Variants in TRPC5 observed in about 807,000 individuals in gnomAD.
The protein encoded by TRPC5 is short transient receptor potential channel 5.
In TRPC5, 9 loss-of-function variants were observed where a neutral mutation model predicts 56.5. The observed-to-expected ratio is 0.16, with a 90% CI of 0.10 to 0.28. The LOEUF (loss-of-function observed/expected upper bound fraction) is 0.28. TRPC5 is among the 10% of genes least tolerant of loss of function. The pLI is 1.00. For synonymous variants in TRPC5, 282 were observed against 278.5 expected, an observed-to-expected ratio of 1.01 and a Z score of -0.13; for missense variants, 469 against 748.9, an observed-to-expected ratio of 0.63 and a Z score of 4.36.
chrX:111,975,704 G>A (rs1331562808), intron 1 of TRPC5, among the ~76,000 whole-genome samples: 1 of 111,320 alleles, frequency 9.0e-6, no homozygotes, highest in African/African-American at 3.3e-5. Context: ...GGACCATCCT[G>A]GCTAACACTG....
intron 2 of TRPC5, among the ~76,000 whole-genome samples, chrX:111,925,366 C>G (rs1926230403): frequency 8.9e-6 from 1 of 112,193 alleles, no homozygotes. Flanking sequence ...GAAGTGTGGT[C>G]CTAATATTTC....
chrX:111,939,541 C>A (rs115013315), intron 2 of TRPC5, among the ~76,000 whole-genome samples: 1,161 of 111,386 alleles, frequency 0.01, 12 homozygotes, highest in African/African-American at 0.036. Context: ...TCTTTCTTTG[C>A]TGGGAAACTT....
rs968203810 is a variant in TRPC5, at chrX:112,082,015, A to G, written c.-158T>C. The G allele has an allele frequency of 2.7e-5, 3 of 110,818 alleles. No individual in the cohort carries two copies. The highest frequency in any genetic ancestry group is 5.7e-5 in the Non-Finnish European group (3 of 52,893). 9.1% of individuals were successfully genotyped at this position (110,818 alleles called of 1,213,427 possible). A position where few individuals can be genotyped will look rare whatever the true frequency, so the allele number is the denominator to read the frequency against. ...CCGACTGGGACAGCCCGGGGCCTCT[A>G]GGCTGATGGGTGGGTGGGCGGATGA... is the stretch of plus-strand genomic sequence containing the variant. On this transcript the variant is annotated 5_prime_UTR_variant, in exon 1 of 11. Coordinates refer to ENST00000262839, the MANE Select transcript of TRPC5 (RefSeq NM_012471.3).
chrX:111,941,164 C>T (rs780303217), intron 2 of TRPC5, among the ~76,000 whole-genome samples: 25 of 112,044 alleles, frequency 2.2e-4, no homozygotes, highest in African/African-American at 7.8e-4. Flanking sequence ...CTACTCCAAC[C>T]GTTCCTTCAA....
intron 1 of TRPC5, among the ~76,000 whole-genome samples, chrX:111,999,041 G>A (rs1928624592): frequency 9.0e-6 from 1 of 111,141 alleles, no homozygotes; most frequent in Non-Finnish European, 1.9e-5. Context: ...CCACCATCTA[G>A]GTTTTATGCC....
At chrX:111,784,390 CAT>C (rs1307107576) in intron 7 of TRPC5, among the ~76,000 whole-genome samples, 3 of 111,963 alleles carry the variant, frequency 2.7e-5, no homozygotes, top group South Asian at 3.7e-4. Flanking sequence ...AATTTAATAT[CAT>C]ATATCTGATA....
chrX:111,813,451 G>A (rs1401643902), intron 7 of TRPC5, among the ~76,000 whole-genome samples: 2 of 112,196 alleles, frequency 1.8e-5, no homozygotes, highest in Non-Finnish European at 3.8e-5. Context: ...GCCATAGCTA[G>A]AGGTTAAATG....
chrX:111,899,559 GA>G (rs1925238729), intron 3 of TRPC5, among the ~76,000 whole-genome samples: 1 of 111,006 alleles, frequency 9.0e-6, no homozygotes, highest in African/African-American at 3.3e-5. Flanking sequence ...GGAAGATAGA[GA>G]AGCTGAGAAA....
chrX:111,887,074 T>G (rs1403840718), intron 3 of TRPC5, among the ~76,000 whole-genome samples: 2 of 112,502 alleles, frequency 1.8e-5, no homozygotes, highest in Non-Finnish European at 3.8e-5. Context: ...GCTTTCAACA[T>G]GGGCAGTTAG....
At chrX:111,939,880 T>C (rs1926718685) in intron 2 of TRPC5, among the ~76,000 whole-genome samples, 1 of 111,901 alleles carries the variant, frequency 8.9e-6, no homozygotes, top group African/African-American at 3.2e-5. Flanking sequence ...TTTGTTTCAA[T>C]TTCATTTATT....
At chrX:112,023,246 GTTTTTTT>G (rs1163231468) in intron 1 of TRPC5, among the ~76,000 whole-genome samples, 32 of 56,702 alleles carry the variant, frequency 5.6e-4, no homozygotes, top group South Asian at 1.3e-3. Context: ...TTTTTTTTTT[GTTTTTTT>G]TTTTTTTTTT....
chrX:111,982,159 A>G (rs752838344), intron 1 of TRPC5, among the ~76,000 whole-genome samples: 4 of 112,139 alleles, frequency 3.6e-5, no homozygotes, highest in Non-Finnish European at 7.5e-5. Context: ...CGGAACTGTG[A>G]GTCAATTAAA....
intron 3 of TRPC5, among the ~76,000 whole-genome samples, chrX:111,889,981 A>G (rs907434952): frequency 4.5e-5 from 5 of 111,456 alleles, no homozygotes; most frequent in Non-Finnish European, 9.4e-5. Context: ...GTTGTCCTCA[A>G]GGGGACTTTT....
At position 111,899,857 on chromosome X, in the gene TRPC5, A is replaced by G. The variant is rs180971738; in HGVS notation, c.900+12434T>C. ...TAAATCAAACAAACAGATCCTTTGA[A>G]TTAATAAAACAAACTGCTCTGCCTC... is the stretch of plus-strand genomic sequence containing the variant. On this transcript the variant is annotated intron_variant, in intron 3 of 10. Transcript: ENST00000262839. Among the ~76,000 whole-genome samples, 130 of 111,595 alleles carry G rather than the reference A, an allele frequency of 1.2e-3. No individual in the cohort carries two copies. In the Middle Eastern group the frequency reaches 0.014, roughly 12 times the overall value.
At chrX:112,005,080 T>A (rs1419635992) in intron 1 of TRPC5, among the ~76,000 whole-genome samples, 2 of 111,323 alleles carry the variant, frequency 1.8e-5, no homozygotes, top group Non-Finnish European at 3.8e-5. Context: ...CGTGCATGTG[T>A]CTTTATGATA....
In TRPC5 at chrX:111,772,726, C is replaced by T. The variant is rs931940421; in HGVS notation, c.*3587G>A. The stretch of plus-strand genomic sequence containing the variant: ...GGATTACAGGAGTGGGCCACCATGC[C>T]CAGCCTCAATTTTTCTAAGGTACTT... On this transcript the variant is annotated 3_prime_UTR_variant, in exon 11 of 11. Transcript: ENST00000262839. 1.8e-5 allele frequency among the ~76,000 whole-genome samples: 2 copies of T among 111,583 alleles called. No homozygotes were observed. Among genetic ancestry groups the T allele is most frequent in the African/African-American group, 6.5e-5 (2 of 30,714 alleles).
At chrX:112,038,522 TC>T (rs1485091882) in intron 1 of TRPC5, among the ~76,000 whole-genome samples, 1 of 112,262 alleles carries the variant, frequency 8.9e-6, no homozygotes, top group Admixed American at 9.4e-5. Flanking sequence ...CTGTAGGTGT[TC>T]TGTTATCTTT....
intron 7 of TRPC5, among the ~76,000 whole-genome samples, chrX:111,809,487 C>T (rs1921628729): frequency 1.8e-5 from 2 of 111,753 alleles, no homozygotes; most frequent in African/African-American, 3.3e-5. Context: ...TGCTCTCCCT[C>T]TTCCAAGTGT....
chrX:111,844,114 T>G (rs1922851847), intron 6 of TRPC5, among the ~76,000 whole-genome samples: 1 of 109,754 alleles, frequency 9.1e-6, no homozygotes, highest in African/African-American at 3.3e-5. Context: ...TTAAAGGGGA[T>G]ATAGGTTGGA....
Sources: gnomAD v4.1 joint callset for allele counts (sites outside exome capture counted in the v4.1 genomes callset) on GRCh38, gnomAD v4.1.1 for gene constraint, MANE v1.5 for transcripts, NCBI Gene and HGNC (gene_info 2026-07-23, HGNC 2026-07-21) for gene names.